ARID1A: variants seen among roughly 807,000 people sequenced by gnomAD.
ARID1A encodes AT-rich interactive domain-containing protein 1A.
In ARID1A, 20 loss-of-function variants were observed where a neutral mutation model predicts 212.6. That is an observed-to-expected ratio of 0.09 (90% CI 0.07 to 0.14). ARID1A has a LOEUF of 0.14. ARID1A is among the 10% of genes least tolerant of loss of function. ARID1A has a pLI of 1.00. For synonymous variants in ARID1A, 1,376 were observed against 1,222.1 expected, an observed-to-expected ratio of 1.13 and a Z score of -2.63; for missense variants, 2,587 against 3,059.0, an observed-to-expected ratio of 0.85 and a Z score of 3.64.
chr1:26,727,868 G>T (rs1389185170), intron 1 of ARID1A: 1 of 152,178 alleles, frequency 6.6e-6, no homozygotes, highest in Admixed American at 6.5e-5. Flanking sequence ...GGCATGATAT[G>T]GCCATGTAAG....
intron 4 of ARID1A, among the ~76,000 whole-genome samples, chr1:26,756,323 A>G (rs1394949824): frequency 2.0e-5 from 3 of 152,046 alleles, no homozygotes; most frequent in Admixed American, 6.5e-5. Context: ...TGGGAGGCCA[A>G]GGTGGGCGGA....
Position 26,772,346 on chromosome 1 carries a change from C to G in ARID1A, c.3407-154C>G, listed in dbSNP as rs79525184. The G allele has an allele frequency of 2.1e-4, 232 of 1,095,522 alleles. 1 individual carries two copies. The East Asian group carries it at 5.4e-3, about 25-fold the overall frequency. The allele number at this position is 1,095,522 out of a possible 1,614,324, so 67.9% of individuals were successfully genotyped here. On this transcript the variant is annotated intron_variant, in intron 12 of 19. Transcript: ENST00000324856. ...ACCCTCAGATTCCCGTCTTTATGAC[C>G]TGGCCTTGTAGATCCTCTGCTAAGA...
intron 1 of ARID1A, among the ~76,000 whole-genome samples, chr1:26,705,438 C>T (rs1237190367): frequency 6.9e-6 from 1 of 145,376 alleles, no homozygotes; most frequent in Non-Finnish European, 1.5e-5. Flanking sequence ...CCACGCCCAG[C>T]CTTTTTTTTT....
In ARID1A at chr1:26,696,943, C is replaced by G. The variant is rs1347608539; in HGVS notation, c.540C>G (p.Gly180=). 1.4e-6 allele frequency: 2 copies of G among 1,453,800 alleles called. No homozygotes were observed. The highest frequency in any genetic ancestry group is 1.8e-6 in the Non-Finnish European group (2 of 1,109,718). The allele number at this position is 1,453,800 out of a possible 1,614,324, so 90.1% of individuals were successfully genotyped here. The change falls in exon 1 of 20, where the codon GGC becomes GGG. Residue 180 remains glycine, a synonymous_variant. Transcript: ENST00000324856. ...AACATGGCGGACAACAAAGCCCTGG[C>G]CTGGCAGCGCTGCAGAGCGGCGGCG... is the stretch of plus-strand genomic sequence containing the variant. ...HQQHGGQQSP[G]LAALQSGGGG...
chr1:26,776,504 A>T (rs1404601945), intron 19 of ARID1A, among the ~76,000 whole-genome samples: 1 of 151,810 alleles, frequency 6.6e-6, no homozygotes, highest in Non-Finnish European at 1.5e-5. Flanking sequence ...CGATCTCCTG[A>T]CCTCGTGATC....
chr1:26,712,845 G>A (rs139847189), intron 1 of ARID1A, among the ~76,000 whole-genome samples: 19 of 152,386 alleles, frequency 1.2e-4, no homozygotes, highest in South Asian at 1.0e-3. Context: ...TGGCACAGAT[G>A]TGGGAGTTAC....
intron 4 of ARID1A, among the ~76,000 whole-genome samples, chr1:26,738,839 G>T (rs1183161760): frequency 6.7e-6 from 1 of 149,036 alleles, no homozygotes; most frequent in East Asian, 2.0e-4. Flanking sequence ...GATTATAGGC[G>T]TCAGCCACTG....
intron 4 of ARID1A, among the ~76,000 whole-genome samples, chr1:26,738,884 T>G (rs1438742195): frequency 1.4e-5 from 2 of 146,544 alleles, no homozygotes; most frequent in Non-Finnish European, 1.5e-5. Context: ...TTGTTTTTTT[T>G]TTTTTTTTTG....
At chr1:26,703,640 C>G (rs1473045509) in intron 1 of ARID1A, among the ~76,000 whole-genome samples, 2 of 152,182 alleles carry the variant, frequency 1.3e-5, no homozygotes, top group Non-Finnish European at 2.9e-5. Flanking sequence ...ACATAGGTTG[C>G]TTAATATTGC....
intron 4 of ARID1A, among the ~76,000 whole-genome samples, chr1:26,743,260 T>C (rs567107667): frequency 1.1e-4 from 16 of 152,268 alleles, no homozygotes; most frequent in East Asian, 9.7e-4. Context: ...TTCTCTCTCT[T>C]TCTGTCATGC....
Position 26,774,051 on chromosome 1 carries a change from G to T in ARID1A, c.4101+153G>T. 9.1e-7 allele frequency: 1 copy of T among 1,095,300 alleles called. No homozygotes were observed. Among genetic ancestry groups the T allele is most frequent in the Non-Finnish European group, 1.3e-6 (1 of 768,908 alleles). 67.8% of individuals were successfully genotyped at this position (1,095,300 alleles called of 1,614,324 possible). A position where few individuals can be genotyped will look rare whatever the true frequency, so the allele number is the denominator to read the frequency against. ...TGGCCAGTCCTGCCTGAAGAGCCAC[G>T]TCCTCAATCTCTTCTCTATTTGGAG... On this transcript the variant is annotated intron_variant, in intron 17 of 19. Transcript: ENST00000324856. The surrounding 1 kb of genome is among the most constrained non-coding windows in gnomAD (Gnocchi z 5.6).
intron 8 of ARID1A, 75 bp downstream of exon 8, chr1:26,763,360 T>A (rs2081010128): frequency 1.4e-6 from 2 of 1,452,258 alleles, no homozygotes; most frequent in South Asian, 1.4e-5. Flanking sequence ...TTGAGATGCT[T>A]CTGGACCTAA....
At chr1:26,717,915 C>G (rs2080518709) in intron 1 of ARID1A, among the ~76,000 whole-genome samples, 2 of 152,120 alleles carry the variant, frequency 1.3e-5, no homozygotes. Flanking sequence ...GGCTCTGAGG[C>G]TAGAGGATGC....
At position 26,774,480 on chromosome 1, in the gene ARID1A, C is replaced by G. The variant is rs142339356; in HGVS notation, c.4253C>G (p.Ala1418Gly). 8 of 1,613,518 alleles carry G rather than the reference C, an allele frequency of 5.0e-6. No individual in the cohort carries two copies. In the African/African-American group the frequency reaches 9.3e-5, roughly 19 times the overall value. ...CCCCAGCCTGCCAGCCAGCAACAAG[C>G]TGCCCAGCCTTCCCCTCAGCAAGAT... ...AQPQPASQQQ[A>G]AQPSPQQDVY... The change falls in exon 18 of 20, where the codon GCT becomes GGT. Residue 1418 changes from alanine (A) to glycine (G), a missense_variant. Transcript: ENST00000324856. This position sits in a 1 kb window ranked among gnomAD's most constrained non-coding sequence, Gnocchi z 5.6.
rs767719047 is a variant in ARID1A, at chr1:26,763,373, CA to C, written c.2732+89del. 62 of 1,409,380 alleles carry C rather than the reference CA, an allele frequency of 4.4e-5. 1 individual carries two copies. In the Middle Eastern group the frequency reaches 9.2e-4, roughly 21 times the overall value. 87.3% of individuals were successfully genotyped at this position (1,409,380 alleles called of 1,614,324 possible). A position where few individuals can be genotyped will look rare whatever the true frequency, so the allele number is the denominator to read the frequency against. The stretch of plus-strand genomic sequence containing the variant: ...TATTGAGATGCTTCTGGACCTAAAC[CA>C]GGGGGGGAAAATGGGTGTGTGTGTA... On this transcript the variant is annotated intron_variant, in intron 8 of 19. Coordinates refer to ENST00000324856, the MANE Select transcript of ARID1A (RefSeq NM_006015.6).
chr1:26,760,271 G>T (rs568408020), intron 4 of ARID1A, among the ~76,000 whole-genome samples: 4 of 152,322 alleles, frequency 2.6e-5, no homozygotes, highest in African/African-American at 9.6e-5. Context: ...TTTGTATATT[G>T]TCTGACTACT....
At chr1:26,702,593 T>C (rs1230478117) in intron 1 of ARID1A, among the ~76,000 whole-genome samples, 1 of 152,226 alleles carries the variant, frequency 6.6e-6, no homozygotes, top group Non-Finnish European at 1.5e-5. Context: ...ATAGAATGTT[T>C]GACAGGCAAA....
chr1:26,731,953 T>C lies in ARID1A; in HGVS notation c.1803+349T>C, dbSNP rs541062053. 2.0e-5 allele frequency among the ~76,000 whole-genome samples: 3 copies of C among 152,334 alleles called. No homozygotes were observed. The East Asian group carries it at 5.8e-4, about 29-fold the overall frequency. ...AGCATCTAAGTGAGTTGGTCTTTTT[T>C]CAAAACAGTCACTTTGAGAGGCAGT... On this transcript the variant is annotated intron_variant, in intron 3 of 19. Transcript: ENST00000324856.
intron 1 of ARID1A, among the ~76,000 whole-genome samples, chr1:26,716,692 C>T (rs1192360186): frequency 6.6e-6 from 1 of 152,124 alleles, no homozygotes; most frequent in African/African-American, 2.4e-5. Context: ...GTGCAGTGGT[C>T]TCAGCTCACT....
Sources: allele counts gnomAD v4.1 joint callset (sites outside exome capture counted in the v4.1 genomes callset), GRCh38; gene constraint gnomAD v4.1.1; non-coding constraint Gnocchi (gnomAD v3.1); transcripts MANE v1.5; gene names NCBI Gene and HGNC (gene_info 2026-07-23, HGNC 2026-07-21).